The following OTUD7A variants were observed in gnomAD, a reference collection of about 807,000 sequenced individuals.
OTUD7A encodes the protein OTU deubiquitinase 7A, also known as OTU domain-containing protein 7A.
In OTUD7A, 12 loss-of-function variants were observed where a neutral mutation model predicts 65.7. The observed-to-expected ratio is 0.18, with a 90% CI of 0.12 to 0.30. The LOEUF (loss-of-function observed/expected upper bound fraction) is 0.30. Ranked by LOEUF, OTUD7A falls within the 10% of genes least tolerant of loss-of-function variation. OTUD7A has a pLI of 1.00. For missense variants in OTUD7A, 1,148 were observed against 1,304.8 expected (o/e 0.88, Z 1.85); for synonymous variants, 641 against 586.3 (o/e 1.09, Z -1.35).
chr15:31,606,370 T>C (rs1227278676), intron 3 of OTUD7A, among the ~76,000 whole-genome samples: 1 of 152,204 alleles, frequency 6.6e-6, no homozygotes, highest in East Asian at 1.9e-4. Flanking sequence ...TGCACAGAGT[T>C]AGTAGCTTGA....
chr15:31,721,281 G>A (rs1465223403), intron 1 of OTUD7A, among the ~76,000 whole-genome samples: 1 of 152,192 alleles, frequency 6.6e-6, no homozygotes, highest in African/African-American at 2.4e-5. Context: ...TCAGCAGGGT[G>A]CAATATTTCA....
intron 3 of OTUD7A, among the ~76,000 whole-genome samples, chr15:31,641,385 C>A (rs1393639357): frequency 6.6e-6 from 1 of 152,170 alleles, no homozygotes; most frequent in Non-Finnish European, 1.5e-5. Flanking sequence ...TGCTTTCTAA[C>A]TTTATTCCAA....
At chr15:31,714,899 G>T (rs1392073519) in intron 1 of OTUD7A, among the ~76,000 whole-genome samples, 3 of 152,036 alleles carry the variant, frequency 2.0e-5, no homozygotes, top group Non-Finnish European at 4.4e-5. Context: ...ACTTTGGGAG[G>T]CCGAGGCAGG....
chr15:31,861,159 G>A (rs551466013), intron 1 of OTUD7A, among the ~76,000 whole-genome samples: 1 of 152,202 alleles, frequency 6.6e-6, no homozygotes, highest in African/African-American at 2.4e-5. Flanking sequence ...GGAGTTGAAA[G>A]GGGTATCAGA....
intron 1 of OTUD7A, among the ~76,000 whole-genome samples, chr15:31,664,070 T>C (rs2141287920): frequency 6.6e-6 from 1 of 152,376 alleles, no homozygotes; most frequent in South Asian, 2.1e-4. Context: ...ATCCACTCAT[T>C]GATTGATGGC....
In OTUD7A at chr15:31,847,943, A is replaced by G. The variant is rs556034585; in HGVS notation, c.-100+22564T>C. On this transcript the variant is annotated intron_variant, in intron 1 of 12. Transcript: ENST00000307050. The stretch of plus-strand genomic sequence containing the variant: ...ATCTCGTGAGAACCCACTCACTATC[A>G]TGAGAACAGCAAGAGGGAAGTCTAC... Among the ~76,000 whole-genome samples the G allele has an allele frequency of 1.2e-4, 18 of 152,324 alleles. 1 individual carries two copies. The South Asian group carries it at 2.5e-3, about 21-fold the overall frequency.
chr15:31,657,678 A>G (rs960215845), intron 1 of OTUD7A, among the ~76,000 whole-genome samples: 4 of 152,088 alleles, frequency 2.6e-5, no homozygotes, highest in Non-Finnish European at 4.4e-5. Context: ...TGTATTTCTT[A>G]AACCTCACAC....
intron 1 of OTUD7A, among the ~76,000 whole-genome samples, chr15:31,746,706 G>A (rs1007930230): frequency 4.6e-5 from 7 of 152,100 alleles, no homozygotes; most frequent in Non-Finnish European, 8.8e-5. Context: ...ATGTTAGTCA[G>A]GCTTGTCTCG....
At chr15:31,636,672 C>G (rs1489219450) in intron 3 of OTUD7A, among the ~76,000 whole-genome samples, 1 of 152,116 alleles carries the variant, frequency 6.6e-6, no homozygotes, top group Admixed American at 6.5e-5. Flanking sequence ...AAACAGTTAA[C>G]TAACTTTTGA....
At chr15:31,685,696 G>C (rs1471645922) in intron 1 of OTUD7A, among the ~76,000 whole-genome samples, 1 of 152,216 alleles carries the variant, frequency 6.6e-6, no homozygotes, top group Admixed American at 6.5e-5. Context: ...TGTGGAGCCA[G>C]ATCATTTGTC....
chr15:31,524,086 A>C (rs1029671785), intron 8 of OTUD7A, among the ~76,000 whole-genome samples: 1 of 152,112 alleles, frequency 6.6e-6, no homozygotes, highest in Non-Finnish European at 1.5e-5. Context: ...CTACAGAAGC[A>C]ACTCTGTTTG....
At chr15:31,843,331 CAAA>C (rs80294740) in intron 1 of OTUD7A, among the ~76,000 whole-genome samples, 19 of 83,660 alleles carry the variant, frequency 2.3e-4, no homozygotes, top group African/African-American at 7.1e-4. Flanking sequence ...ATTTTTTCTC[CAAA>C]AAAAAAAAAA....
In OTUD7A at chr15:31,487,492, C is replaced by G. The variant is rs1255755130; in HGVS notation, c.1246G>C (p.Glu416Gln). 3.7e-6 allele frequency: 6 copies of G among 1,614,130 alleles called. No individual in the cohort carries two copies. The highest frequency in any genetic ancestry group is 5.1e-6 in the Non-Finnish European group (6 of 1,180,022). ...TTATCGTTGTCGTCTTTCCCCCACT[C>G]CCAGTCCTTGCCAGGGTCCACTGCA... The part of the protein sequence containing the change: ...HFAVDPGKDW[E>Q]WGKDDNDNAR... Residue 416 changes from glutamate (E) to glutamine (Q), a missense_variant, in exon 11 of 13, where the codon GAG (glutamate) becomes CAG (glutamine). Physicochemically the swap from Glu to Gln is conservative, Grantham distance 29. Coordinates refer to ENST00000307050, the MANE Select transcript of OTUD7A (RefSeq NM_001382637.1). The surrounding 1 kb of genome is among the most constrained non-coding windows in gnomAD (Gnocchi z 6.0).
chr15:31,567,844 AG>A (rs1888925267), intron 4 of OTUD7A, among the ~76,000 whole-genome samples: 1 of 152,252 alleles, frequency 6.6e-6, no homozygotes, highest in Non-Finnish European at 1.5e-5. Flanking sequence ...GCTGCTTCAG[AG>A]GGTGCAAGCC....
At chr15:31,564,146 G>T (rs1337360776) in intron 4 of OTUD7A, among the ~76,000 whole-genome samples, 1 of 152,176 alleles carries the variant, frequency 6.6e-6, no homozygotes, top group African/African-American at 2.4e-5. Context: ...ATGCATTCAT[G>T]TGCAGAATAA....
intron 3 of OTUD7A, among the ~76,000 whole-genome samples, chr15:31,588,768 GCGGC>G (rs1889624186): frequency 6.6e-6 from 1 of 152,206 alleles, no homozygotes; most frequent in Non-Finnish European, 1.5e-5. Flanking sequence ...GGCTGCCTGG[GCGGC>G]AGCAGCCCAC....
intron 1 of OTUD7A, among the ~76,000 whole-genome samples, chr15:31,701,636 C>A (rs1361514678): frequency 1.3e-5 from 2 of 150,316 alleles, no homozygotes; most frequent in Non-Finnish European, 3.0e-5. Context: ...AGTCCTACAA[C>A]TATGGAAAAT....
At position 31,788,427 on chromosome 15, in the gene OTUD7A, C is replaced by T. The variant is rs577860840; in HGVS notation, c.-100+82080G>A. Among the ~76,000 whole-genome samples, 85 of 152,334 alleles carry T rather than the reference C, an allele frequency of 5.6e-4. 1 individual carries two copies. The South Asian group carries it at 0.017, about 30-fold the overall frequency. On this transcript the variant is annotated intron_variant, in intron 1 of 12. Coordinates refer to ENST00000307050, the MANE Select transcript of OTUD7A (RefSeq NM_001382637.1). The stretch of plus-strand genomic sequence containing the variant: ...ATGTCTTCAGATGGATGGTCCTTTC[C>T]TCCTTCTCATCTCTTTTCTTGTTTT...
intron 3 of OTUD7A, among the ~76,000 whole-genome samples, chr15:31,647,525 T>A (rs1178672002): frequency 1.3e-5 from 2 of 152,250 alleles, no homozygotes; most frequent in Non-Finnish European, 2.9e-5. Context: ...GCTTGCTTTC[T>A]CACTTCCTCA....
Sources: gnomAD v4.1 joint callset for allele counts (sites outside exome capture counted in the v4.1 genomes callset) on GRCh38, gnomAD v4.1.1 for gene constraint, Gnocchi (gnomAD v3.1) non-coding constraint, MANE v1.5 for transcripts, NCBI Gene and HGNC (gene_info 2026-07-23, HGNC 2026-07-21) for gene names.